PTPRD: variants seen among roughly 807,000 people sequenced by gnomAD.
PTPRD encodes receptor-type tyrosine-protein phosphatase delta.
Under a neutral mutation model 214.5 loss-of-function variants are expected in PTPRD, and 34 were observed. The ratio of observed to expected loss-of-function variants is 0.16; its 90% CI spans 0.12 to 0.21. The LOEUF (loss-of-function observed/expected upper bound fraction) is 0.21, where lower values mean the gene tolerates loss of function less well. Among genes scored for constraint, PTPRD ranks in the 10% least tolerant of loss-of-function variants. PTPRD has a pLI of 1.00. For synonymous variants in PTPRD, 1,128 were observed against 845.7 expected (o/e 1.33, Z -5.79); for missense variants, 2,545 against 2,398.7 (o/e 1.06, Z -1.27).
At chr9:8,934,032 G>A (rs1033312850) in intron 11 of PTPRD, among the ~76,000 whole-genome samples, 3 of 151,978 alleles carry the variant, frequency 2.0e-5, no homozygotes, top group African/African-American at 7.2e-5. Context: ...CTTAAGGAAG[G>A]TAACTAATTC....
At chr9:10,420,645 C>A (rs1374878618) in intron 2 of PTPRD, among the ~76,000 whole-genome samples, 1 of 151,862 alleles carries the variant, frequency 6.6e-6, no homozygotes, top group South Asian at 2.1e-4. Context: ...TTTCTTATAC[C>A]GAATTCTCAA....
chr9:9,410,011 C>G lies in PTPRD; in HGVS notation c.-236-12529G>C, dbSNP rs116175061. 2.9e-3 allele frequency among the ~76,000 whole-genome samples: 448 copies of G among 152,214 alleles called. 2 individuals carry two copies. The highest frequency in any genetic ancestry group is 0.01 in the African/African-American group (431 of 41,544). On this transcript the variant is annotated intron_variant, in intron 8 of 45. Coordinates refer to ENST00000381196, the MANE Select transcript of PTPRD (RefSeq NM_002839.4). Reference sequence around the variant, plus strand: ...ACCTGCAAGAAGAAAATATGAAACACATTTTTAATAAATGTTTTATCAAAC... The same window carrying G: ...ACCTGCAAGAAGAAAATATGAAACAGATTTTTAATAAATGTTTTATCAAAC...
intron 14 of PTPRD, among the ~76,000 whole-genome samples, chr9:8,585,766 C>T (rs2093604829): frequency 6.6e-6 from 1 of 152,142 alleles, no homozygotes; most frequent in African/African-American, 2.4e-5. Flanking sequence ...AAAATGCTTG[C>T]ATTTTGCCAG....
intron 2 of PTPRD, among the ~76,000 whole-genome samples, chr9:10,554,087 T>C (rs369289218): frequency 3.9e-5 from 6 of 152,182 alleles, no homozygotes; most frequent in African/African-American, 1.4e-4. Flanking sequence ...CTTAATCCCA[T>C]GCAAATGTCC....
intron 3 of PTPRD, among the ~76,000 whole-genome samples, chr9:10,289,085 T>C (rs2095452695): frequency 6.6e-6 from 1 of 151,894 alleles, no homozygotes; most frequent in South Asian, 2.1e-4. Context: ...CAAAGGCCAG[T>C]TTCAAATTTA....
intron 10 of PTPRD, among the ~76,000 whole-genome samples, chr9:9,144,108 T>A (rs1458193500): frequency 2.0e-5 from 3 of 152,296 alleles, no homozygotes; most frequent in South Asian, 2.1e-4. Context: ...TCATTACAGA[T>A]CCATATAATA....
rs749709602 is a variant in PTPRD at position 9,208,020 on chromosome 9, CTTTT to C, written c.-202-24661_-202-24658del. Among the ~76,000 whole-genome samples the C allele has an allele frequency of 7.5e-5, 4 of 53,268 alleles. 2 individuals are homozygous for C. The highest frequency in any genetic ancestry group is 2.4e-3 in the South Asian group (2 of 822). The allele number at this position is 53,268 out of a possible 152,430, so 34.9% of individuals were successfully genotyped here. A position where few individuals can be genotyped will look rare whatever the true frequency, so the allele number is the denominator to read the frequency against. ...TGGTATGGCTATTCATATATATCTG[CTTTT>C]TTTTTTTTTTTTTGAGACAGAGCTT... On this transcript the variant is annotated intron_variant, in intron 9 of 45. Coordinates refer to ENST00000381196, the MANE Select transcript of PTPRD (RefSeq NM_002839.4).
intron 8 of PTPRD, among the ~76,000 whole-genome samples, chr9:9,458,703 G>A (rs1434353403): frequency 6.6e-6 from 1 of 152,058 alleles, no homozygotes; most frequent in African/African-American, 2.4e-5. Flanking sequence ...CACTTTGGGA[G>A]GTCAAGGTAG....
At chr9:9,669,704 G>C (rs1162941055) in intron 7 of PTPRD, among the ~76,000 whole-genome samples, 1 of 152,000 alleles carries the variant, frequency 6.6e-6, no homozygotes, top group African/African-American at 2.4e-5. Context: ...AATCTGGCCA[G>C]TTTGAATAAC....
intron 6 of PTPRD, among the ~76,000 whole-genome samples, chr9:9,763,753 CCTT>C (rs201953721): frequency 0.02 from 2,831 of 143,022 alleles, 78 homozygotes; most frequent in African/African-American, 0.075. Context: ...ATTTCACTGT[CCTT>C]CTTCTTTTTT....
chr9:9,412,900 T>A (rs1052396083), intron 8 of PTPRD, among the ~76,000 whole-genome samples: 1 of 151,978 alleles, frequency 6.6e-6, no homozygotes, highest in African/African-American at 2.4e-5. Flanking sequence ...TTAAAACAGA[T>A]GAATAAATCT....
At chr9:10,065,146 A>AGAAG (rs2154173321) in intron 3 of PTPRD, among the ~76,000 whole-genome samples, 1 of 135,128 alleles carries the variant, frequency 7.4e-6, no homozygotes. Flanking sequence ...TGGATTAGAA[A>AGAAG]GAAAGAAAGA....
chr9:10,019,445 A>G (rs1179034897), intron 4 of PTPRD, among the ~76,000 whole-genome samples: 3 of 152,156 alleles, frequency 2.0e-5, no homozygotes, highest in African/African-American at 4.8e-5. Flanking sequence ...CCAAAGGATT[A>G]TAAATCATGC....
chr9:9,202,247 T>G (rs2099942302), intron 9 of PTPRD, among the ~76,000 whole-genome samples: 1 of 152,216 alleles, frequency 6.6e-6, no homozygotes, highest in African/African-American at 2.4e-5. Flanking sequence ...AACACAAATC[T>G]TATTGTCAGA....
At chr9:8,999,419 T>G (rs905662545) in intron 11 of PTPRD, among the ~76,000 whole-genome samples, 5 of 152,084 alleles carry the variant, frequency 3.3e-5, no homozygotes, top group African/African-American at 9.7e-5. Flanking sequence ...AAGGCTCAGA[T>G]GATTGTTAGC....
chr9:8,845,855 C>G (rs757167622), intron 11 of PTPRD, among the ~76,000 whole-genome samples: 2 of 152,138 alleles, frequency 1.3e-5, no homozygotes, highest in Non-Finnish European at 2.9e-5. Context: ...TATTAGATAC[C>G]ATTAGTCTCT....
chr9:10,472,056 T>A (rs1483903344), intron 2 of PTPRD, among the ~76,000 whole-genome samples: 1 of 152,206 alleles, frequency 6.6e-6, no homozygotes, highest in South Asian at 2.1e-4. Flanking sequence ...AATGATAAAA[T>A]TTTTGCTACA....
intron 6 of PTPRD, among the ~76,000 whole-genome samples, chr9:9,738,515 C>G (rs891233906): frequency 4.5e-5 from 6 of 131,928 alleles, no homozygotes; most frequent in Non-Finnish European, 9.1e-5. Context: ...GCGATCTTGG[C>G]TCACTACAAC....
chr9:9,464,939 C>T (rs186856177), intron 8 of PTPRD, among the ~76,000 whole-genome samples: 2 of 152,280 alleles, frequency 1.3e-5, no homozygotes, highest in African/African-American at 4.8e-5. Context: ...CATGAAACCT[C>T]ATGTGCTCAT....
Sources: gnomAD v4.1 joint callset for allele counts (sites outside exome capture counted in the v4.1 genomes callset) on GRCh38, gnomAD v4.1.1 for gene constraint, MANE v1.5 for transcripts, NCBI Gene and HGNC (gene_info 2026-07-23, HGNC 2026-07-21) for gene names.